KCNN2: variants seen among roughly 807,000 people sequenced by gnomAD.
The protein encoded by KCNN2 is potassium calcium-activated channel subfamily N member 2.
In KCNN2, 24 loss-of-function variants were observed where a neutral mutation model predicts 55.5. The observed-to-expected ratio is 0.43, with a 90% CI of 0.31 to 0.61. The LOEUF (loss-of-function observed/expected upper bound fraction) is 0.61. KCNN2 is among the 20% of genes least tolerant of loss of function. KCNN2 has a pLI of 0.08. For synonymous variants in KCNN2, 431 were observed against 336.1 expected, an observed-to-expected ratio of 1.28 and a Z score of -3.09; for missense variants, 754 against 853.6, an observed-to-expected ratio of 0.88 and a Z score of 1.45.
chr5:114,346,924 G>C (rs865806327), intron 2 of KCNN2, among the ~76,000 whole-genome samples: 3 of 152,098 alleles, frequency 2.0e-5, no homozygotes, highest in Non-Finnish European at 4.4e-5. Flanking sequence ...AGGACACAGG[G>C]GCCAACCTGA....
At chr5:114,116,780 A>G (rs1751715997) in intron 1 of KCNN2, among the ~76,000 whole-genome samples, 1 of 152,128 alleles carries the variant, frequency 6.6e-6, no homozygotes, top group African/African-American at 2.4e-5. Flanking sequence ...AAGTTGTGGG[A>G]GACTTTGGTT....
intron 1 of KCNN2, among the ~76,000 whole-genome samples, chr5:114,179,915 A>G (rs1285650492): frequency 2.0e-5 from 3 of 152,210 alleles, no homozygotes; most frequent in African/African-American, 7.2e-5. Context: ...GAGAAATAAA[A>G]CACAAGAAAC....
intron 2 of KCNN2, among the ~76,000 whole-genome samples, chr5:114,260,293 G>T (rs922485390): frequency 1.3e-5 from 2 of 152,100 alleles, no homozygotes; most frequent in African/African-American, 4.8e-5. Context: ...TTAAATATCA[G>T]TGCCATTCCC....
rs906349635 is a variant in KCNN2, at chr5:114,309,655, T to C, written c.-184-51290T>C. 3.9e-5 allele frequency among the ~76,000 whole-genome samples: 6 copies of C among 152,314 alleles called. 1 individual carries two copies. In the South Asian group the frequency reaches 1.2e-3, roughly 32 times the overall value. ...AGACCCACTGGGGACCTATCATTCA[T>C]GCCAGGCTAGGTGCTAACAGGGATA... On this transcript the variant is annotated intron_variant, in intron 2 of 10. Coordinates refer to the KCNN2 transcript ENST00000512097.
intron 3 of KCNN2, among the ~76,000 whole-genome samples, chr5:114,453,413 C>A (rs548596125): frequency 1.3e-5 from 2 of 152,154 alleles, no homozygotes; most frequent in Non-Finnish European, 2.9e-5. Flanking sequence ...TATTTTTCTC[C>A]TCTTAGAAAC....
intron 1 of KCNN2, among the ~76,000 whole-genome samples, chr5:114,058,645 G>C (rs940412510): frequency 1.3e-5 from 2 of 152,132 alleles, no homozygotes; most frequent in Admixed American, 6.5e-5. Flanking sequence ...AAAGAAGTTT[G>C]ATGTTTTTAA....
chr5:114,478,956 A>G (rs547379563), intron 5 of KCNN2, among the ~76,000 whole-genome samples: 1 of 152,344 alleles, frequency 6.6e-6, no homozygotes, highest in South Asian at 2.1e-4. Flanking sequence ...ACCAAAGTAC[A>G]TAGACCACTG....
chr5:114,111,525 A>G (rs1389965492), intron 1 of KCNN2, among the ~76,000 whole-genome samples: 2 of 152,196 alleles, frequency 1.3e-5, no homozygotes, highest in Non-Finnish European at 2.9e-5. Flanking sequence ...AAAATAAACT[A>G]TCATCAGAGT....
intron 2 of KCNN2, among the ~76,000 whole-genome samples, chr5:114,290,193 T>G (rs979855507): frequency 7.9e-5 from 12 of 152,174 alleles, no homozygotes; most frequent in Non-Finnish European, 1.8e-4. Context: ...TTAAATCTTT[T>G]TTATATGTTT....
intron 1 of KCNN2, among the ~76,000 whole-genome samples, chr5:114,213,381 C>T (rs755916340): frequency 1.1e-4 from 16 of 151,590 alleles, no homozygotes; most frequent in South Asian, 2.1e-4. Flanking sequence ...AACACATCTC[C>T]CTCTTCCTTG....
intron 2 of KCNN2, among the ~76,000 whole-genome samples, chr5:114,355,773 C>T (rs1294284633): frequency 6.6e-6 from 1 of 152,128 alleles, no homozygotes; most frequent in East Asian, 1.9e-4. Context: ...AACTAAATAG[C>T]ATTTGCCAGT....
intron 1 of KCNN2, among the ~76,000 whole-genome samples, chr5:114,162,931 C>A (rs115881157): frequency 0.031 from 4,704 of 152,252 alleles, 257 homozygotes; most frequent in African/African-American, 0.11. Flanking sequence ...AAGGGACTTC[C>A]CTGCCCCCTT....
intron 1 of KCNN2, among the ~76,000 whole-genome samples, chr5:114,181,796 C>T (rs1430816083): frequency 2.6e-5 from 4 of 152,088 alleles, no homozygotes; most frequent in Non-Finnish European, 4.4e-5. Context: ...GTGGGCAGAT[C>T]ACCTGAGGTC....
chr5:114,283,905 C>T (rs534985771), intron 2 of KCNN2, among the ~76,000 whole-genome samples: 132 of 152,274 alleles, frequency 8.7e-4, no homozygotes, highest in African/African-American at 3.2e-3. Flanking sequence ...TCACGCATTA[C>T]ATTCTGACTT....
At chr5:114,480,891 C>A (rs2150131724) in intron 5 of KCNN2, among the ~76,000 whole-genome samples, 1 of 152,276 alleles carries the variant, frequency 6.6e-6, no homozygotes, top group East Asian at 1.9e-4. Context: ...CCGTCTATGA[C>A]AAATCCACAG....
intron 4 of KCNN2, among the ~76,000 whole-genome samples, chr5:114,464,276 T>C (rs1259039215): frequency 6.6e-6 from 1 of 152,238 alleles, no homozygotes; most frequent in Non-Finnish European, 1.5e-5. Context: ...CAGTTTTCAA[T>C]GACCTAGGCT....
intron 1 of KCNN2, among the ~76,000 whole-genome samples, chr5:114,202,586 T>TATATATA (rs1554074534): frequency 4.1e-3 from 275 of 66,788 alleles, no homozygotes; most frequent in African/African-American, 0.014. Flanking sequence ...TATATATATA[T>TATATATA]TTTTTTTTTT....
intron 2 of KCNN2, among the ~76,000 whole-genome samples, chr5:114,382,308 G>A (rs182716929): frequency 2.6e-5 from 4 of 152,250 alleles, no homozygotes; most frequent in Admixed American, 6.5e-5. Context: ...TCTAACTCCC[G>A]TCAGTGTCAC....
chr5:114,363,314 G>C, intron 1 of KCNN2, 53 bp downstream of exon 1: 1 of 1,504,982 alleles, frequency 6.6e-7, no homozygotes, highest in Non-Finnish European at 8.9e-7. Context: ...TGGGTGGTTG[G>C]GATGGGCACT....
Sources: gnomAD v4.1 joint callset for allele counts (sites outside exome capture counted in the v4.1 genomes callset) on GRCh38, gnomAD v4.1.1 for gene constraint, MANE v1.5 for transcripts, NCBI Gene and HGNC (gene_info 2026-07-23, HGNC 2026-07-21) for gene names.